Variants in XYLT1 observed in about 807,000 individuals in gnomAD.
XYLT1 encodes the protein beta-D-xylosyltransferase 1.
XYLT1 carries 36 observed loss-of-function variants against 91.3 expected under a neutral mutation model. The ratio of observed to expected loss-of-function variants is 0.39; its 90% confidence interval spans 0.30 to 0.52. The LOEUF is 0.52. Ranked by LOEUF, XYLT1 falls within the 20% of genes least tolerant of loss-of-function variation. The pLI is 0.68. For missense variants in XYLT1, 1,242 were observed against 1,284.5 expected, an observed-to-expected ratio of 0.97 and a Z score of 0.51; for synonymous variants, 588 against 532.0, an observed-to-expected ratio of 1.11 and a Z score of -1.45.
At chr16:17,456,350 T>C (rs2036742408) in intron 1 of XYLT1, among the ~76,000 whole-genome samples, 1 of 148,926 alleles carries the variant, frequency 6.7e-6, no homozygotes, top group Non-Finnish European at 1.5e-5. Context: ...TTTTTTTTTT[T>C]TTTTGGAGAC....
intron 9 of XYLT1, among the ~76,000 whole-genome samples, chr16:17,130,721 C>A (rs1267390028): frequency 6.6e-6 from 1 of 152,198 alleles, no homozygotes; most frequent in Non-Finnish European, 1.5e-5. Context: ...TCTGCAGGAG[C>A]TTCCTTAATT....
chr16:17,145,488 G>C (rs973534712), intron 6 of XYLT1, among the ~76,000 whole-genome samples: 3 of 152,168 alleles, frequency 2.0e-5, no homozygotes, highest in Non-Finnish European at 4.4e-5. Flanking sequence ...TTCTGGCAGG[G>C]AGGATGTCAG....
intron 1 of XYLT1, among the ~76,000 whole-genome samples, chr16:17,386,957 A>C (rs1216549477): frequency 6.6e-6 from 1 of 152,184 alleles, no homozygotes; most frequent in African/African-American, 2.4e-5. Flanking sequence ...CTGAGGTTAG[A>C]TTATAAAAGG....
chr16:17,223,440 A>G (rs1210364416), intron 3 of XYLT1, among the ~76,000 whole-genome samples: 1 of 152,248 alleles, frequency 6.6e-6, no homozygotes, highest in Non-Finnish European at 1.5e-5. Flanking sequence ...CCTACTTCAC[A>G]TCGTTTGCAG....
At chr16:17,462,541 T>A (rs2036837266) in intron 1 of XYLT1, among the ~76,000 whole-genome samples, 1 of 152,144 alleles carries the variant, frequency 6.6e-6, no homozygotes, top group Non-Finnish European at 1.5e-5. Context: ...CGGAAGGAAG[T>A]GTCCGCAAGA....
chr16:17,409,466 G>A (rs547129055), intron 1 of XYLT1, among the ~76,000 whole-genome samples: 2 of 151,916 alleles, frequency 1.3e-5, no homozygotes, highest in South Asian at 2.1e-4. Flanking sequence ...CTTTTGCCAG[G>A]AGAAAAGATG....
intron 1 of XYLT1, among the ~76,000 whole-genome samples, chr16:17,446,695 G>A (rs2036595891): frequency 6.6e-6 from 1 of 152,132 alleles, no homozygotes; most frequent in Non-Finnish European, 1.5e-5. Context: ...AGACCCCATC[G>A]TCTGCATTAC....
At chr16:17,112,279 A>C (rs1215312683) in intron 11 of XYLT1, among the ~76,000 whole-genome samples, 1 of 152,108 alleles carries the variant, frequency 6.6e-6, no homozygotes, top group African/African-American at 2.4e-5. Flanking sequence ...CTCTTGATGA[A>C]TCATTTTACA....
chr16:17,214,715 T>A (rs2032823868), intron 3 of XYLT1, among the ~76,000 whole-genome samples: 1 of 152,140 alleles, frequency 6.6e-6, no homozygotes, highest in Admixed American at 6.5e-5. Context: ...AGACAGATAA[T>A]AAACACATAA....
chr16:17,141,015 G>T, intron 7 of XYLT1, 138 bp downstream of exon 7: 1 of 836,338 alleles, frequency 1.2e-6, no homozygotes, highest in Non-Finnish European at 1.9e-6. Flanking sequence ...ATCCTGCTAA[G>T]ACAGCAAGGA....
chr16:17,281,846 G>C (rs887375851), intron 2 of XYLT1, among the ~76,000 whole-genome samples: 10 of 152,174 alleles, frequency 6.6e-5, no homozygotes, highest in Non-Finnish European at 1.5e-4. Flanking sequence ...CATGGACCTG[G>C]GTCAGTCCCT....
chr16:17,192,072 C>T (rs2032320823), intron 5 of XYLT1, among the ~76,000 whole-genome samples: 3 of 143,712 alleles, frequency 2.1e-5, no homozygotes, highest in African/African-American at 5.1e-5. Context: ...CAGTGTGAGG[C>T]GTGAGGTCTC....
chr16:17,266,546 G>A (rs1189308851), intron 2 of XYLT1, among the ~76,000 whole-genome samples: 1 of 152,074 alleles, frequency 6.6e-6, no homozygotes, highest in African/African-American at 2.4e-5. Flanking sequence ...TTGAACCCAG[G>A]CTGTCTAGGT....
intron 6 of XYLT1, among the ~76,000 whole-genome samples, chr16:17,155,717 T>G (rs1380738359): frequency 6.6e-6 from 1 of 152,176 alleles, no homozygotes; most frequent in African/African-American, 2.4e-5. Context: ...AAATCCCAGC[T>G]GGGGACTCAC....
intron 1 of XYLT1, among the ~76,000 whole-genome samples, chr16:17,382,673 C>T (rs955775754): frequency 2.0e-5 from 3 of 151,728 alleles, no homozygotes; most frequent in Non-Finnish European, 4.4e-5. Flanking sequence ...TCTGAATGCC[C>T]CCTTATCTAC....
chr16:17,399,691 AC>A (rs1355468698), intron 1 of XYLT1, among the ~76,000 whole-genome samples: 1 of 151,214 alleles, frequency 6.6e-6, no homozygotes, highest in Admixed American at 6.6e-5. Context: ...CATCCCCTTA[AC>A]CTGCCACTAA....
intron 1 of XYLT1, among the ~76,000 whole-genome samples, chr16:17,455,582 CTAAATAAATAAA>C (rs71137993): frequency 0.24 from 35,259 of 144,204 alleles, 4,500 homozygotes; most frequent in East Asian, 0.46. Context: ...GACTCCATCT[CTAAATAAATAAA>C]TAAATAAATA....
chr16:17,423,366 T>C (rs538587588), intron 1 of XYLT1, among the ~76,000 whole-genome samples: 2 of 150,932 alleles, frequency 1.3e-5, no homozygotes, highest in East Asian at 3.9e-4. Context: ...CTCCTCCCTG[T>C]GGCCTTCCAA....
intron 3 of XYLT1, among the ~76,000 whole-genome samples, chr16:17,253,919 C>G (rs145274142): frequency 9.8e-4 from 149 of 151,890 alleles, no homozygotes; most frequent in African/African-American, 3.5e-3. Flanking sequence ...TAAAGTGACC[C>G]TTCTGCCTCC....
Sources: allele counts gnomAD v4.1 joint callset (sites outside exome capture counted in the v4.1 genomes callset), GRCh38; gene constraint gnomAD v4.1.1; transcripts MANE v1.5; gene names NCBI Gene and HGNC (gene_info 2026-07-23, HGNC 2026-07-21).